HIVEP3: variants seen among roughly 807,000 people sequenced by gnomAD.
HIVEP3 encodes transcription factor HIVEP3.
In HIVEP3, 49 loss-of-function variants were observed where a neutral mutation model predicts 152.8. That is an observed-to-expected ratio of 0.32 (90% confidence interval 0.26 to 0.41). The LOEUF is 0.41. HIVEP3 is among the 10% of genes least tolerant of loss of function. HIVEP3 has a pLI of 1.00. For synonymous variants in HIVEP3, 1,269 were observed against 1,289.0 expected (o/e 0.98, Z 0.33); for missense variants, 2,790 against 3,103.3 (o/e 0.90, Z 2.40).
At chr1:41,994,829 C>T (rs1192189297) in intron 1 of HIVEP3, among the ~76,000 whole-genome samples, 1 of 151,968 alleles carries the variant, frequency 6.6e-6, no homozygotes, top group Non-Finnish European at 1.5e-5. Flanking sequence ...ATAAGCCTAT[C>T]TGCACAGAAC....
At chr1:41,804,079 G>A (rs765371529) in intron 1 of HIVEP3, among the ~76,000 whole-genome samples, 2 of 152,058 alleles carry the variant, frequency 1.3e-5, no homozygotes, top group Non-Finnish European at 2.9e-5. Flanking sequence ...CCTTAATGTA[G>A]AATGTATATG....
At chr1:41,571,083 G>T (rs1286365717) in intron 5 of HIVEP3, among the ~76,000 whole-genome samples, 1 of 152,108 alleles carries the variant, frequency 6.6e-6, no homozygotes, top group Middle Eastern at 3.2e-3. Flanking sequence ...CATAGGAGGT[G>T]CAGCAGCTGA....
intron 1 of HIVEP3, among the ~76,000 whole-genome samples, chr1:41,910,555 G>A (rs1644779946): frequency 6.6e-6 from 1 of 151,844 alleles, no homozygotes; most frequent in Non-Finnish European, 1.5e-5. Flanking sequence ...AAGATAAGAA[G>A]TGCAAATTAC....
Position 41,579,943 on chromosome 1 carries a change from G to A in HIVEP3, c.4855C>T (p.His1619Tyr). 6.2e-7 allele frequency: 1 copy of A among 1,614,254 alleles called. No homozygotes were observed. The highest frequency in any genetic ancestry group is 1.1e-5 in the South Asian group (1 of 91,088). ...LNYIKPNHIQ[H>Y]ADRRSSVYAG... ...TAAACAGAGGACCTCCTATCTGCAT[G>A]CTGGATGTGATTTGGCTTAATGTAG... is the stretch of plus-strand genomic sequence containing the variant. Residue 1619 changes from histidine (H) to tyrosine (Y), a missense_variant, in exon 4 of 9, where the codon CAT becomes TAT. By Grantham distance (83) the His-to-Tyr change is moderately conservative (BLOSUM62 2). This residue lies in a region of HIVEP3 where 1,078 missense variants were observed against 1,165.3 expected (regional missense o/e 0.93). Transcript: ENST00000372583.
intron 1 of HIVEP3, among the ~76,000 whole-genome samples, chr1:41,707,222 C>T (rs186074975): frequency 6.6e-6 from 1 of 152,310 alleles, no homozygotes; most frequent in East Asian, 1.9e-4. Context: ...AGACCATCCC[C>T]AGGGCACCTG....
intron 1 of HIVEP3, among the ~76,000 whole-genome samples, chr1:41,876,116 G>GTTTTTTTTTTT (rs67320823): frequency 6.8e-6 from 1 of 146,632 alleles, no homozygotes; most frequent in Non-Finnish European, 1.5e-5. Context: ...AGAGTGTTAA[G>GTTTTTTTTTTT]TTTTTTTTTT....
chr1:41,764,091 G>A (rs577105502), intron 1 of HIVEP3, among the ~76,000 whole-genome samples: 43 of 152,228 alleles, frequency 2.8e-4, no homozygotes, highest in East Asian at 2.7e-3. Context: ...AAAAGCAGTC[G>A]GATATGAGAT....
intron 2 of HIVEP3, among the ~76,000 whole-genome samples, chr1:41,660,302 T>C (rs995614463): frequency 2.6e-5 from 4 of 152,164 alleles, no homozygotes; most frequent in Non-Finnish European, 4.4e-5. Flanking sequence ...AGGCACAGAG[T>C]TGGTAACTGG....
intron 1 of HIVEP3, among the ~76,000 whole-genome samples, chr1:41,994,104 A>T (rs1443494967): frequency 1.3e-5 from 2 of 151,916 alleles, no homozygotes; most frequent in Non-Finnish European, 2.9e-5. Context: ...TACATATGTA[A>T]CTAACCTGCA....
chr1:41,526,374 AC>A (rs891894828), intron 5 of HIVEP3, among the ~76,000 whole-genome samples: 7 of 132,364 alleles, frequency 5.3e-5, no homozygotes, highest in African/African-American at 2.0e-4. Flanking sequence ...TCACCCTCAC[AC>A]GCTCGCCCTC....
At chr1:42,020,081 T>C (rs1301178294) in intron 1 of HIVEP3, among the ~76,000 whole-genome samples, 24 of 152,116 alleles carry the variant, frequency 1.6e-4, no homozygotes, top group Non-Finnish European at 3.1e-4. Flanking sequence ...TTATCTTTTT[T>C]ATGTATCACT....
rs1421464582 is a variant in HIVEP3, at chr1:41,535,182, C to T, written c.5208-10272G>A. 3.3e-5 allele frequency among the ~76,000 whole-genome samples: 5 copies of T among 152,078 alleles called. No individual in the cohort carries two copies. In the East Asian group the frequency reaches 5.8e-4, roughly 18 times the overall value. On this transcript the variant is annotated intron_variant, in intron 5 of 8. Transcript: ENST00000372583. ...TCATCTAAACACTTTTAGATGATGC[C>T]GACCAAGGTTTTGTTAGCATCTTCC...
chr1:41,617,877 C>A (rs1644991289), intron 3 of HIVEP3, among the ~76,000 whole-genome samples: 1 of 114,522 alleles, frequency 8.7e-6, no homozygotes, highest in Non-Finnish European at 2.0e-5. Context: ...GGCTTCTAAG[C>A]ATCTTTTAGT....
intron 2 of HIVEP3, among the ~76,000 whole-genome samples, chr1:41,677,642 G>C (rs1399085231): frequency 1.3e-5 from 2 of 152,214 alleles, no homozygotes; most frequent in African/African-American, 4.8e-5. Flanking sequence ...AATTAGTGTT[G>C]GCCATGGGGA....
intron 1 of HIVEP3, among the ~76,000 whole-genome samples, chr1:41,950,364 C>A (rs1318539165): frequency 6.6e-6 from 1 of 152,164 alleles, no homozygotes; most frequent in Admixed American, 6.5e-5. Context: ...TGCTCTCCTC[C>A]CCCACCAGCC....
Position 41,628,730 on chromosome 1 carries a change from A to C in HIVEP3, c.-522+19T>G. On this transcript the variant is annotated intron_variant, in intron 3 of 8. Coordinates refer to ENST00000372583, the MANE Select transcript of HIVEP3 (RefSeq NM_024503.5). ...ATGGCGCCTGGCAAGCATATTCAGC[A>C]ACAGCCCCCATTTCCTACCTGTGCT... The C allele has an allele frequency of 8.1e-7, 1 of 1,231,352 alleles. No homozygotes were observed. The allele number at this position is 1,231,352 out of a possible 1,614,324, so 76.3% of individuals were successfully genotyped here.
At chr1:41,593,612 T>G (rs1644620556) in intron 3 of HIVEP3, among the ~76,000 whole-genome samples, 1 of 152,224 alleles carries the variant, frequency 6.6e-6, no homozygotes. Context: ...AAGCAGAAAT[T>G]TACACTTCCG....
intron 1 of HIVEP3, among the ~76,000 whole-genome samples, chr1:41,908,944 A>T (rs1171276777): frequency 6.6e-6 from 1 of 152,222 alleles, no homozygotes; most frequent in Non-Finnish European, 1.5e-5. Flanking sequence ...ATGAATACCA[A>T]GTATGAGAAA....
chr1:41,909,592 A>G (rs1004092809), intron 1 of HIVEP3, among the ~76,000 whole-genome samples: 2 of 152,014 alleles, frequency 1.3e-5, no homozygotes, highest in Non-Finnish European at 2.9e-5. Flanking sequence ...CAGTAATGAT[A>G]TAAAAGACTT....
Sources: gnomAD v4.1 joint callset for allele counts (sites outside exome capture counted in the v4.1 genomes callset) on GRCh38, gnomAD v4.1.1 for gene constraint, gnomAD v4.1.1 regional missense constraint, MANE v1.5 for transcripts, NCBI Gene and HGNC (gene_info 2026-07-23, HGNC 2026-07-21) for gene names.